STARD13: variants seen among roughly 807,000 people sequenced by gnomAD.
The protein encoded by STARD13 is StAR related lipid transfer domain containing 13.
Under a neutral mutation model 106.4 loss-of-function variants are expected in STARD13, and 62 were observed. The observed-to-expected ratio is 0.58, with a 90% CI of 0.48 to 0.72. The LOEUF is 0.72. Among genes scored for constraint, STARD13 ranks in the 30% least tolerant of loss-of-function variants. The pLI is 0.00. For missense variants in STARD13, 1,387 were observed against 1,424.0 expected, an observed-to-expected ratio of 0.97 and a Z score of 0.42; for synonymous variants, 565 against 553.0, an observed-to-expected ratio of 1.02 and a Z score of -0.31.
In STARD13 at chr13:33,129,274, T is replaced by C; in HGVS notation, c.1403A>G (p.Tyr468Cys). ...IYDNVPGSHL[Y>C]ASTGDLLDLE... Reference sequence around the variant, plus strand: ...GTCCAAAAGATCTCCTGTGCTGGCATACAGATGGGAGCCAGGGACATTGTC... The same window carrying C: ...GTCCAAAAGATCTCCTGTGCTGGCACACAGATGGGAGCCAGGGACATTGTC... Residue 468 changes from tyrosine to cysteine, a missense_variant, in exon 5 of 14, where the codon TAT (tyrosine) becomes TGT (cysteine). Tyr to Cys is a radical substitution (Grantham distance 194). Transcript: ENST00000336934. 3 of 1,614,170 alleles carry C rather than the reference T, an allele frequency of 1.9e-6. No individual in the cohort carries two copies. In the South Asian group the frequency reaches 3.3e-5, roughly 18 times the overall value.
the STARD13 span, among the ~76,000 whole-genome samples, chr13:33,618,733 C>T: frequency 1.3e-5 from 2 of 151,980 alleles, no homozygotes; most frequent in African/African-American, 2.4e-5. Context: ...GTCAGATGAG[C>T]CCCATATTTG....
At chr13:33,394,363 A>C in the STARD13 span, among the ~76,000 whole-genome samples, 1 of 152,224 alleles carries the variant, frequency 6.6e-6, no homozygotes, top group South Asian at 2.1e-4. Context: ...GAAATTAAAA[A>C]TTCATTTCCT....
At chr13:33,675,201 T>C in the STARD13 span, among the ~76,000 whole-genome samples, 1 of 152,192 alleles carries the variant, frequency 6.6e-6, no homozygotes, top group African/African-American at 2.4e-5. Context: ...CCACAATGTT[T>C]ATGGCATGCC....
the STARD13 span, among the ~76,000 whole-genome samples, chr13:33,499,584 TC>T: frequency 1.4e-5 from 1 of 69,858 alleles, no homozygotes; most frequent in African/African-American, 5.3e-5. Flanking sequence ...TTCTTCTTCT[TC>T]TTCTTCTTCT....
At chr13:33,302,128 C>T (rs1266158321) in intron 1 of STARD13, among the ~76,000 whole-genome samples, 5 of 152,088 alleles carry the variant, frequency 3.3e-5, no homozygotes, top group African/African-American at 9.7e-5. Context: ...TCATACCTAC[C>T]TGGAGGAAGA....
chr13:33,107,803 G>T (rs1677721814), intron 12 of STARD13, among the ~76,000 whole-genome samples: 2 of 152,060 alleles, frequency 1.3e-5, no homozygotes, highest in African/African-American at 4.8e-5. Context: ...GGAGCTATGA[G>T]AACATCTCTG....
chr13:33,330,283 AC>A (rs1218875958), intron 1 of STARD13, among the ~76,000 whole-genome samples: 5 of 152,160 alleles, frequency 3.3e-5, no homozygotes, highest in African/African-American at 1.2e-4. Context: ...TACAATAGTC[AC>A]CCTAAAAGGT....
chr13:33,108,839 A>C (rs143852496), intron 12 of STARD13, among the ~76,000 whole-genome samples: 1 of 152,328 alleles, frequency 6.6e-6, no homozygotes, highest in African/African-American at 2.4e-5. Flanking sequence ...TGAAAGCATG[A>C]AGTTTAATTC....
upstream of STARD13, among the ~76,000 whole-genome samples, chr13:33,287,423 G>A (rs1892110190): frequency 1.3e-5 from 2 of 152,202 alleles, no homozygotes; most frequent in Admixed American, 1.3e-4. Context: ...TTACACAAGA[G>A]TCATCATGTC....
chr13:33,131,307 A>T (rs1166434069), intron 4 of STARD13, among the ~76,000 whole-genome samples: 1 of 152,140 alleles, frequency 6.6e-6, no homozygotes, highest in Non-Finnish European at 1.5e-5. Flanking sequence ...TTTCACTCTC[A>T]TTCTCTTAGT....
the STARD13 span, among the ~76,000 whole-genome samples, chr13:33,416,339 T>C: frequency 2.6e-5 from 4 of 152,176 alleles, no homozygotes; most frequent in Non-Finnish European, 5.9e-5. Flanking sequence ...TAGATTCCAT[T>C]TGAGCTAGTT....
At chr13:33,607,130 A>G in the STARD13 span, among the ~76,000 whole-genome samples, 2 of 147,762 alleles carry the variant, frequency 1.4e-5, no homozygotes, top group Non-Finnish European at 3.0e-5. Flanking sequence ...CAACTGATTT[A>G]TACATTTTTA....
the STARD13 span, among the ~76,000 whole-genome samples, chr13:33,659,236 T>TTTTTTTA: frequency 2.6e-4 from 36 of 138,586 alleles, 2 homozygotes; most frequent in Non-Finnish European, 2.0e-4. Context: ...TTTTTTTTTT[T>TTTTTTTA]ATGAAGTCTT....
intron 1 of STARD13, among the ~76,000 whole-genome samples, chr13:33,207,710 C>T (rs1887496188): frequency 6.6e-6 from 1 of 152,230 alleles, no homozygotes; most frequent in Non-Finnish European, 1.5e-5. Context: ...ACCAGGATGT[C>T]TGTAAACATC....
At chr13:33,301,714 C>T (rs1438823249) in intron 1 of STARD13, among the ~76,000 whole-genome samples, 1 of 151,854 alleles carries the variant, frequency 6.6e-6, no homozygotes, top group South Asian at 2.1e-4. Flanking sequence ...ACTACCGGCA[C>T]CCGCCACCAT....
chr13:33,591,050 G>T, the STARD13 span, among the ~76,000 whole-genome samples: 1 of 152,140 alleles, frequency 6.6e-6, no homozygotes, highest in South Asian at 2.1e-4. Flanking sequence ...TTGGAATTTC[G>T]CATTCATTTC....
At chr13:33,540,463 G>C in the STARD13 span, among the ~76,000 whole-genome samples, 23 of 152,202 alleles carry the variant, frequency 1.5e-4, no homozygotes, top group Non-Finnish European at 2.4e-4. Context: ...TGAACAAAGG[G>C]AGGATACACG....
the STARD13 span, among the ~76,000 whole-genome samples, chr13:33,429,089 T>A: frequency 6.6e-6 from 1 of 152,198 alleles, no homozygotes; most frequent in East Asian, 1.9e-4. Flanking sequence ...TGTAAACTAG[T>A]ACAACCACTA....
At chr13:33,471,651 G>A in the STARD13 span, among the ~76,000 whole-genome samples, 1 of 130,092 alleles carries the variant, frequency 7.7e-6, no homozygotes, top group African/African-American at 3.5e-5. Flanking sequence ...TTTTTTTTTG[G>A]CTCCTTGGGG....
Sources: gnomAD v4.1 joint callset for allele counts (sites outside exome capture counted in the v4.1 genomes callset) on GRCh38, gnomAD v4.1.1 for gene constraint, MANE v1.5 for transcripts, NCBI Gene and HGNC (gene_info 2026-07-23, HGNC 2026-07-21) for gene names.